The following CLASP1 variants were observed in gnomAD, a reference collection of about 807,000 sequenced individuals.
The protein encoded by CLASP1 is cytoplasmic linker associated protein 1.
CLASP1 carries 38 observed loss-of-function variants against 192.3 expected under a neutral mutation model. The observed-to-expected ratio is 0.20, with a 90% CI of 0.15 to 0.26. CLASP1 has a LOEUF of 0.26. Among genes scored for constraint, CLASP1 ranks in the 10% least tolerant of loss-of-function variants. CLASP1 has a pLI of 1.00. For synonymous variants in CLASP1, 691 were observed against 712.8 expected, an observed-to-expected ratio of 0.97 and a Z score of 0.49; for missense variants, 1,433 against 1,932.5, an observed-to-expected ratio of 0.74 and a Z score of 4.85.
intron 1 of CLASP1, among the ~76,000 whole-genome samples, chr2:121,608,327 T>C (rs1014924764): frequency 3.9e-5 from 6 of 152,218 alleles, no homozygotes; most frequent in Non-Finnish European, 5.9e-5. Flanking sequence ...AATTCTTTGC[T>C]ACTCCTACCT....
At chr2:121,555,273 C>T (rs767433918) in intron 2 of CLASP1, among the ~76,000 whole-genome samples, 13 of 152,246 alleles carry the variant, frequency 8.5e-5, no homozygotes, top group Non-Finnish European at 1.5e-4. Context: ...TCTTTCAGGA[C>T]TCGCTTCAAG....
At chr2:121,388,397 A>G (rs2073730057) in intron 30 of CLASP1, among the ~76,000 whole-genome samples, 1 of 152,190 alleles carries the variant, frequency 6.6e-6, no homozygotes, top group African/African-American at 2.4e-5. Context: ...TACCTCAGAA[A>G]AACTTCTACT....
chr2:121,425,246 C>T, exon 22 of CLASP1: 1 of 1,613,384 alleles, frequency 6.2e-7, no homozygotes, highest in Non-Finnish European at 8.5e-7. Context: ...TGAGGAGCCC[C>T]CAGTAAGTCC....
chr2:121,576,171 G>A (rs551475164), intron 2 of CLASP1, among the ~76,000 whole-genome samples: 2 of 152,304 alleles, frequency 1.3e-5, no homozygotes, highest in Admixed American at 1.3e-4. Flanking sequence ...CAGGCACTAA[G>A]CAAGGTGTTA....
chr2:121,363,081 C>G (rs906346762), intron 37 of CLASP1, 91 bp downstream of exon 38: 2 of 1,513,212 alleles, frequency 1.3e-6, no homozygotes, highest in African/African-American at 2.8e-5. Flanking sequence ...GGCTCTTAAG[C>G]TGTGCACTGA....
At chr2:121,566,203 A>C (rs1431132052) in intron 2 of CLASP1, among the ~76,000 whole-genome samples, 1 of 152,190 alleles carries the variant, frequency 6.6e-6, no homozygotes, top group Non-Finnish European at 1.5e-5. Flanking sequence ...TGTGGGTGCA[A>C]AAAGAGAAAT....
intron 37 of CLASP1, among the ~76,000 whole-genome samples, chr2:121,352,939 C>T (rs543339514): frequency 2.6e-5 from 4 of 152,204 alleles, no homozygotes; most frequent in East Asian, 3.9e-4. Flanking sequence ...AGAGCCACTG[C>T]GACCAGCCTA....
intron 2 of CLASP1, among the ~76,000 whole-genome samples, chr2:121,553,373 A>T (rs1040736425): frequency 2.0e-5 from 3 of 152,202 alleles, no homozygotes; most frequent in Non-Finnish European, 4.4e-5. Flanking sequence ...AATAAAATTT[A>T]AAAATAAAAT....
At chr2:121,416,317 A>G (rs753563488) in intron 23 of CLASP1, among the ~76,000 whole-genome samples, 2 of 152,250 alleles carry the variant, frequency 1.3e-5, no homozygotes, top group African/African-American at 2.4e-5. Flanking sequence ...AATTATCACC[A>G]TAACCATATA....
At chr2:121,485,647 T>G (rs901046636) in intron 8 of CLASP1, among the ~76,000 whole-genome samples, 1 of 152,056 alleles carries the variant, frequency 6.6e-6, no homozygotes, top group Admixed American at 6.6e-5. Context: ...GCGGATCACT[T>G]GAGGTCAGGA....
intron 9 of CLASP1, among the ~76,000 whole-genome samples, chr2:121,469,326 C>A (rs921129141): frequency 2.6e-5 from 4 of 152,128 alleles, no homozygotes; most frequent in Non-Finnish European, 5.9e-5. Flanking sequence ...ACCCACAGCA[C>A]GACCCTGCAT....
At chr2:121,382,950 C>T (rs1179409882) in intron 32 of CLASP1, among the ~76,000 whole-genome samples, 3 of 152,222 alleles carry the variant, frequency 2.0e-5, no homozygotes, top group African/African-American at 7.2e-5. Context: ...CTCAGCTGGG[C>T]AGCTCAGAGT....
exon 35 of CLASP1, chr2:121,367,776 T>C (rs1320502032): frequency 6.2e-7 from 1 of 1,613,838 alleles, no homozygotes; most frequent in South Asian, 1.1e-5. Context: ...TCCTTCTACT[T>C]CACTACCCCC....
chr2:121,508,846 G>C (rs1337940888), intron 7 of CLASP1, among the ~76,000 whole-genome samples: 2 of 152,164 alleles, frequency 1.3e-5, no homozygotes, highest in Non-Finnish European at 2.9e-5. Flanking sequence ...TGGTTATAGT[G>C]ATAACAAGTA....
Position 121,367,892 on chromosome 2 carries a change from G to GCT in CLASP1, c.3643-63_3643-62dup. On this transcript the variant is annotated intron_variant, in intron 34 of 39. Transcript: ENST00000263710. ...CTTGTAATGGACATTTCCTTTGAAT[G>GCT]CTCAGAAATATTAAGAAGGCCAGAG... 4 of 1,578,834 alleles carry GCT rather than the reference G, an allele frequency of 2.5e-6. No individual in the cohort carries two copies. In the South Asian group the frequency reaches 4.5e-5, roughly 18 times the overall value.
At chr2:121,374,399 C>A (rs989890487) in intron 34 of CLASP1, among the ~76,000 whole-genome samples, 1 of 152,236 alleles carries the variant, frequency 6.6e-6, no homozygotes. Flanking sequence ...TCATGGAGAA[C>A]CTCTACTAGG....
intron 33 of CLASP1, among the ~76,000 whole-genome samples, chr2:121,379,572 CA>C (rs1200348183): frequency 5.9e-5 from 9 of 151,832 alleles, no homozygotes; most frequent in African/African-American, 2.2e-4. Context: ...AATATATATA[CA>C]AGATGTAAAA....
intron 8 of CLASP1, among the ~76,000 whole-genome samples, chr2:121,478,248 G>T (rs151292668): frequency 2.0e-4 from 30 of 152,068 alleles, no homozygotes; most frequent in Admixed American, 9.2e-4. Context: ...ACAGTAAAAC[G>T]CTTTCATGCT....
intron 7 of CLASP1, chr2:121,503,935 A>C (rs1559459761): frequency 1.3e-5 from 2 of 152,170 alleles, no homozygotes. Context: ...GTTAAGAAAA[A>C]AGAGGCTTTC....
Sources: allele counts gnomAD v4.1 joint callset (sites outside exome capture counted in the v4.1 genomes callset), GRCh38; gene constraint gnomAD v4.1.1; transcripts MANE v1.5; gene names NCBI Gene and HGNC (gene_info 2026-07-23, HGNC 2026-07-21).